The following FRMD4B variants were observed in gnomAD, a reference collection of about 807,000 sequenced individuals.
FRMD4B encodes FERM domain containing 4B.
A neutral mutation model predicts 141.5 loss-of-function variants in FRMD4B; 74 were observed. The ratio of observed to expected loss-of-function variants is 0.52; its 90% CI spans 0.43 to 0.63. The LOEUF (loss-of-function observed/expected upper bound fraction) is 0.63. Among genes scored for constraint, FRMD4B ranks in the 30% least tolerant of loss-of-function variants. The pLI is 0.00. For synonymous variants in FRMD4B, 506 were observed against 467.9 expected (o/e 1.08, Z -1.05); for missense variants, 1,366 against 1,253.4 (o/e 1.09, Z -1.36).
At chr3:69,446,829 C>T (rs374213369) in intron 1 of FRMD4B, among the ~76,000 whole-genome samples, 3 of 152,226 alleles carry the variant, frequency 2.0e-5, no homozygotes, top group East Asian at 3.9e-4. Context: ...ACACAAGACC[C>T]TTTGGAGACA....
Position 69,263,899 on chromosome 3 carries a change from C to T in FRMD4B, c.502-13800G>A, listed in dbSNP as rs562933289. ...GAGGTGCAGTGGTGTGATCTTGGCT[C>T]GCTGCAACCTCTGCCTCCTAGGTTC... On this transcript the variant is annotated intron_variant, in intron 5 of 22. Coordinates refer to ENST00000398540, the MANE Select transcript of FRMD4B (RefSeq NM_015123.3). 1.6e-4 allele frequency among the ~76,000 whole-genome samples: 22 copies of T among 137,374 alleles called. No homozygotes were observed. In the South Asian group the frequency reaches 4.8e-3, roughly 30 times the overall value. 90.1% of individuals were successfully genotyped at this position (137,374 alleles called of 152,430 possible).
At chr3:69,385,505 T>G (rs918211180) in intron 1 of FRMD4B, among the ~76,000 whole-genome samples, 2 of 152,156 alleles carry the variant, frequency 1.3e-5, no homozygotes, top group African/African-American at 4.8e-5. Context: ...CTCATTTGAA[T>G]GTCTAAGTGG....
rs188807577 is a variant in FRMD4B at position 69,325,553 on chromosome 3, G to A, written c.163-12036C>T. Among the ~76,000 whole-genome samples the A allele has an allele frequency of 2.8e-3, 425 of 152,310 alleles. 3 individuals carry two copies. Among genetic ancestry groups the A allele is most frequent in the African/African-American group, 9.9e-3 (412 of 41,568 alleles). On this transcript the variant is annotated intron_variant, in intron 1 of 22. Transcript: ENST00000398540. ...GTCAATGAGAAGCACACAGGATTTA[G>A]AGTCACGAGGTTTGAGTTTGTGTCC...
intron 7 of FRMD4B, among the ~76,000 whole-genome samples, chr3:69,242,766 T>C (rs2093395444): frequency 6.7e-6 from 1 of 149,496 alleles, no homozygotes; most frequent in Non-Finnish European, 1.5e-5. Flanking sequence ...AGGCCGAGGA[T>C]GGTGGATCAT....
At chr3:69,517,509 A>T (rs1463360710) in intron 1 of FRMD4B, among the ~76,000 whole-genome samples, 1 of 152,190 alleles carries the variant, frequency 6.6e-6, no homozygotes, top group Admixed American at 6.5e-5. Flanking sequence ...GGGAAGGAAA[A>T]TTGCCTGACC....
At chr3:69,470,549 G>C (rs76051204) in intron 1 of FRMD4B, among the ~76,000 whole-genome samples, 2,561 of 152,280 alleles carry the variant, frequency 0.017, 34 homozygotes, top group East Asian at 0.07. Context: ...AAAGTTACTT[G>C]TGGTCTTCAG....
At chr3:69,250,290 C>CGTGTGTGT (rs10526962) in intron 5 of FRMD4B, 191 bp from the exon 6 acceptor site, 6,260 of 418,078 alleles carry the variant, frequency 0.015, 84 homozygotes, top group South Asian at 0.034. Context: ...ACTGTGTGTG[C>CGTGTGTGT]GTGTGTGTGT....
intron 2 of FRMD4B, among the ~76,000 whole-genome samples, chr3:69,392,990 G>A (rs1441483366): frequency 6.6e-6 from 1 of 152,080 alleles, no homozygotes; most frequent in Admixed American, 6.5e-5. Context: ...ACATAGAGGT[G>A]GTGGAAGCAT....
chr3:69,309,607 ATTT>A (rs34067186), intron 3 of FRMD4B, among the ~76,000 whole-genome samples: 7 of 109,050 alleles, frequency 6.4e-5, no homozygotes, highest in African/African-American at 1.4e-4. Context: ...TACCTGGCTG[ATTT>A]TTTTTTTTTT....
At chr3:69,511,769 C>G (rs762077308) in intron 1 of FRMD4B, among the ~76,000 whole-genome samples, 1 of 152,166 alleles carries the variant, frequency 6.6e-6, no homozygotes, top group Non-Finnish European at 1.5e-5. Context: ...AGGATCAGAC[C>G]TGCATTTGTG....
At chr3:69,489,832 A>G (rs554805084) in intron 1 of FRMD4B, among the ~76,000 whole-genome samples, 1 of 152,380 alleles carries the variant, frequency 6.6e-6, no homozygotes, top group East Asian at 1.9e-4. Flanking sequence ...AACAAGCCTA[A>G]TATTCATCAA....
intron 11 of FRMD4B, among the ~76,000 whole-genome samples, chr3:69,203,818 A>G (rs1485237736): frequency 6.6e-6 from 1 of 152,210 alleles, no homozygotes; most frequent in Admixed American, 6.5e-5. Flanking sequence ...CTCTCAGTTC[A>G]CCTCTCCAAT....
At chr3:69,222,052 G>C (rs73097740) in intron 8 of FRMD4B, 129 bp from the exon 9 acceptor site, 2 of 652,936 alleles carry the variant, frequency 3.1e-6, no homozygotes, top group South Asian at 1.7e-5. Context: ...TTGGTAGATA[G>C]AGTTTGGCTT....
chr3:69,454,746 C>G (rs1705560704), intron 1 of FRMD4B, among the ~76,000 whole-genome samples: 2 of 152,336 alleles, frequency 1.3e-5, no homozygotes, highest in South Asian at 2.1e-4. Flanking sequence ...CAGAGCCTCC[C>G]CAAAGGGCAC....
chr3:69,235,110 A>T (rs2093335955), intron 7 of FRMD4B, among the ~76,000 whole-genome samples: 1 of 150,778 alleles, frequency 6.6e-6, no homozygotes, highest in African/African-American at 2.4e-5. Flanking sequence ...ATCTCATGCC[A>T]CTGCACTCCA....
chr3:69,192,580 A>C (rs2092850153), intron 17 of FRMD4B, among the ~76,000 whole-genome samples: 1 of 152,172 alleles, frequency 6.6e-6, no homozygotes, highest in Non-Finnish European at 1.5e-5. Context: ...GTTTTTTCTG[A>C]AAATGAAAGT....
chr3:69,269,686 T>C (rs2093585420), intron 5 of FRMD4B, among the ~76,000 whole-genome samples: 1 of 152,180 alleles, frequency 6.6e-6, no homozygotes, highest in Admixed American at 6.5e-5. Context: ...GCTCTGTCGC[T>C]TAGGCTGGAG....
rs1445822856 is a variant in FRMD4B, at chr3:69,346,840, A to G, written c.163-33323T>C. ...AGAGCTCCTGAAGGAAGCACTAAAC[A>G]TGGAAAGGAAAAACCCATACCAGCC... On this transcript the variant is annotated intron_variant, in intron 1 of 22. Transcript: ENST00000398540. Among the ~76,000 whole-genome samples the G allele has an allele frequency of 3.3e-5, 5 of 152,358 alleles. No individual in the cohort carries two copies. In the East Asian group the frequency reaches 7.7e-4, roughly 24 times the overall value.
chr3:69,437,749 AAAGT>A (rs1705282736), intron 1 of FRMD4B, among the ~76,000 whole-genome samples: 1 of 130,274 alleles, frequency 7.7e-6, no homozygotes, highest in Admixed American at 8.1e-5. Context: ...AATACTATAT[AAAGT>A]ATGTATAAAT....
Sources: allele counts gnomAD v4.1 joint callset (sites outside exome capture counted in the v4.1 genomes callset), GRCh38; gene constraint gnomAD v4.1.1; transcripts MANE v1.5; gene names NCBI Gene and HGNC (gene_info 2026-07-23, HGNC 2026-07-21).